WASHC2C: variants seen among roughly 807,000 people sequenced by gnomAD.
WASHC2C encodes the protein Vaccinia Penetration Factor.
WASHC2C carries 73 observed loss-of-function variants against 142.2 expected under a neutral mutation model. That is an observed-to-expected ratio of 0.51 (90% CI 0.43 to 0.62). The LOEUF (loss-of-function observed/expected upper bound fraction) is 0.62, where lower values mean the gene tolerates loss of function less well. Among genes scored for constraint, WASHC2C ranks in the 20% least tolerant of loss-of-function variants. The pLI, the probability that WASHC2C is intolerant of heterozygous loss-of-function variation, is 0.00. For synonymous variants in WASHC2C, 337 were observed against 565.5 expected (o/e 0.60, Z 5.73); for missense variants, 969 against 1,531.7 (o/e 0.63, Z 6.13).
At chr10:45,786,804 G>C (rs537203835) in intron 27 of WASHC2C, 130 bp downstream of exon 27, 4 of 1,559,058 alleles carry the variant, frequency 2.6e-6, no homozygotes, top group African/African-American at 1.4e-5. Context: ...CCTGCACCTA[G>C]TTGTTGTCTC....
intron 8 of WASHC2C, 52 bp downstream of exon 8, chr10:45,746,699 AG>A (rs1564724928): frequency 1.3e-6 from 2 of 1,598,160 alleles, no homozygotes; most frequent in African/African-American, 2.7e-5. Flanking sequence ...ATTGAAGCAT[AG>A]TATATATACT....
chr10:45,789,537 G>T, intron 29 of WASHC2C, 46 bp downstream of exon 29: 1 of 1,610,888 alleles, frequency 6.2e-7, no homozygotes, highest in South Asian at 1.1e-5. Flanking sequence ...AGTTAAGGAA[G>T]GTATCTGATT....
intron 3 of WASHC2C, 106 bp from the exon 4 acceptor site, chr10:45,737,877 A>G: frequency 1.2e-6 from 2 of 1,608,332 alleles, no homozygotes; most frequent in Non-Finnish European, 1.7e-6. Context: ...CTGAATAACC[A>G]TTTCCTTCCG....
intron 10 of WASHC2C, among the ~76,000 whole-genome samples, chr10:45,751,150 TTAC>T (rs2053539758): frequency 6.6e-6 from 1 of 151,828 alleles, no homozygotes; most frequent in Middle Eastern, 3.2e-3. Context: ...GGCTGAATAT[TTAC>T]TCCTATATTT....
chr10:45,785,077 G>A (rs1554889509), intron 25 of WASHC2C, among the ~76,000 whole-genome samples, 176 bp downstream of exon 25: 1 of 152,188 alleles, frequency 6.6e-6, no homozygotes, highest in African/African-American at 2.4e-5. Context: ...CTTAGTTTCT[G>A]TTGTTCCTCA....
intron 17 of WASHC2C, among the ~76,000 whole-genome samples, chr10:45,760,117 A>G (rs1589771267): frequency 7.2e-6 from 1 of 139,394 alleles, no homozygotes; most frequent in Admixed American, 7.4e-5. Context: ...CGAGACTGAG[A>G]CCACTAACAG....
chr10:45,765,861 G>A, intron 19 of WASHC2C, 51 bp downstream of exon 19: 1 of 1,607,286 alleles, frequency 6.2e-7, no homozygotes. Context: ...TGGGATTTAA[G>A]AGTTAAAGCC....
intron 6 of WASHC2C, among the ~76,000 whole-genome samples, chr10:45,744,185 A>G (rs1170990675): frequency 6.7e-6 from 1 of 148,782 alleles, no homozygotes; most frequent in Non-Finnish European, 1.5e-5. Flanking sequence ...CAGCCTCCTG[A>G]GTAGCTGGGA....
intron 16 of WASHC2C, among the ~76,000 whole-genome samples, chr10:45,757,624 A>G (rs1331752191): frequency 6.6e-6 from 1 of 152,188 alleles, no homozygotes; most frequent in African/African-American, 2.4e-5. Context: ...CAAATAGAAT[A>G]CAGATTTAAA....
At chr10:45,749,836 A>ATATATATATATATATATATTTAT (rs1554873238) in intron 8 of WASHC2C, among the ~76,000 whole-genome samples, 1 of 101,770 alleles carries the variant, frequency 9.8e-6, no homozygotes. Flanking sequence ...AAAAAAAAAA[A>ATATATATATATATATATATTTAT]ATATATATAT....
intron 25 of WASHC2C, among the ~76,000 whole-genome samples, chr10:45,785,193 C>T (rs2057939781): frequency 6.6e-6 from 1 of 151,888 alleles, no homozygotes; most frequent in East Asian, 1.9e-4. Context: ...CCATTGCATA[C>T]ACTGGGGTGG....
Position 45,748,283 on chromosome 10 carries a change from C to CTTTTTTTTTTTTT in WASHC2C, c.732+1648_732+1660dup, listed in dbSNP as rs1160119861. Among the ~76,000 whole-genome samples, 5 of 57,168 alleles carry CTTTTTTTTTTTTT rather than the reference C, an allele frequency of 8.7e-5. 1 individual carries two copies. The highest frequency in any genetic ancestry group is 1.5e-4 in the Non-Finnish European group (5 of 32,950). 37.5% of individuals were successfully genotyped at this position (57,168 alleles called of 152,430 possible). ...TGTAAATGCAAACAGTTTTTCTTTC[C>CTTTTTTTTTTTTT]TTTTTTTTTTTTTTTTTTTTTTTTG... On this transcript the variant is annotated intron_variant, in intron 8 of 30. Coordinates refer to ENST00000623400, the MANE Select transcript of WASHC2C (RefSeq NM_001330074.2).
chr10:45,738,080 G>A, intron 4 of WASHC2C, 35 bp downstream of exon 4: 1 of 1,611,864 alleles, frequency 6.2e-7, no homozygotes, highest in African/African-American at 1.3e-5. Context: ...CTGAGTTTCT[G>A]ACTTTGAAAA....
rs183025495 is a variant in WASHC2C at position 45,738,149 on chromosome 10, A to G, written c.354+104A>G. 9.8e-5 allele frequency: 158 copies of G among 1,609,786 alleles called. 1 individual carries two copies. In the East Asian group the frequency reaches 3.1e-3, roughly 31 times the overall value. On this transcript the variant is annotated intron_variant, in intron 4 of 30. Transcript: ENST00000623400. Reference sequence around the variant, plus strand: ...GGGGGATGGTGGGTGGGGTTGGGAAAGGGAGGGACTGCTCCTGACAGCAGC... The same window carrying G: ...GGGGGATGGTGGGTGGGGTTGGGAAGGGGAGGGACTGCTCCTGACAGCAGC...
In WASHC2C at chr10:45,755,088, G is replaced by A. The variant is rs1554876730; in HGVS notation, c.1393G>A (p.Ala465Thr). 1.9e-6 allele frequency: 3 copies of A among 1,610,204 alleles called. No individual in the cohort carries two copies. The highest frequency in any genetic ancestry group is 2.5e-6 in the Non-Finnish European group (3 of 1,179,208). ...DGDDDDDFFS[A>T]PHSKPSKTRK... The stretch of plus-strand genomic sequence containing the variant: ...TGATGATGATGACGACTTTTTCTCG[G>A]CACCCCACAGCAAACCTTCTAAAAC... Residue 465 changes from alanine to threonine, a missense_variant, in exon 15 of 31, where the codon GCA becomes ACA. By Grantham distance (58) the Ala-to-Thr change is moderately conservative. Transcript: ENST00000623400.
chr10:45,785,329 T>C (rs1186017481), intron 25 of WASHC2C, among the ~76,000 whole-genome samples, 180 bp from the exon 26 acceptor site: 2 of 152,150 alleles, frequency 1.3e-5, no homozygotes, highest in African/African-American at 4.8e-5. Context: ...TAGAGAGGAC[T>C]CCTGTGACAG....
Position 45,746,622 on chromosome 10 carries a change from A to G in WASHC2C, c.707A>G (p.His236Arg). 4 of 1,613,632 alleles carry G rather than the reference A, an allele frequency of 2.5e-6. No individual in the cohort carries two copies. The highest frequency in any genetic ancestry group is 2.5e-6 in the Non-Finnish European group (3 of 1,179,658). The change falls in exon 8 of 31, where the codon CAT (histidine) becomes CGT (arginine). Residue 236 changes from histidine (H) to arginine (R), a missense_variant. Transcript: ENST00000623400. ...EEEESDEDFA[H>R]HSDNEQNQHT... is the part of the protein sequence containing the mutation. ...AAGGAGTCAGATGAAGATTTTGCCCATCACAGTGACAATGAACAAAACCAG... is the reference window on the plus strand; with the variant it reads ...AAGGAGTCAGATGAAGATTTTGCCCGTCACAGTGACAATGAACAAAACCAG...
chr10:45,727,118 C>T, upstream of WASHC2C: 1 of 1,412,182 alleles, frequency 7.1e-7, no homozygotes, highest in Non-Finnish European at 9.2e-7. Context: ...GGTAGAACCC[C>T]AAACTCCAGT....
chr10:45,750,952 G>T, intron 10 of WASHC2C, 114 bp downstream of exon 10: 1 of 844,192 alleles, frequency 1.2e-6, no homozygotes, highest in Non-Finnish European at 1.8e-6. Flanking sequence ...ATATTTATTA[G>T]TAATTGCTAC....
Sources: allele counts gnomAD v4.1 joint callset (sites outside exome capture counted in the v4.1 genomes callset), GRCh38; gene constraint gnomAD v4.1.1; transcripts MANE v1.5; gene names NCBI Gene and HGNC (gene_info 2026-07-23, HGNC 2026-07-21).